FAM168A: variants seen among roughly 807,000 people sequenced by gnomAD.
FAM168A encodes protein FAM168A.
FAM168A carries 3 observed loss-of-function variants against 28.5 expected under a neutral mutation model. The observed-to-expected ratio is 0.11, with a 90% CI of 0.05 to 0.27. FAM168A has a LOEUF of 0.27. Ranked by LOEUF, FAM168A falls within the 10% of genes least tolerant of loss-of-function variation. The pLI is 1.00. For synonymous variants in FAM168A, 122 were observed against 124.2 expected, an observed-to-expected ratio of 0.98 and a Z score of 0.12; for missense variants, 222 against 311.5, an observed-to-expected ratio of 0.71 and a Z score of 2.16.
rs1032391951 is a variant in FAM168A, at chr11:73,430,676, C to T, written c.151+14G>A. ...CCCACTCCATTCGCCACTGCTGTCC[C>T]ATTTCCTCCTTACCTGGAGCATAAC... On this transcript the variant is annotated intron_variant, in intron 3 of 7. Transcript: ENST00000356467. The T allele has an allele frequency of 6.2e-7, 1 of 1,611,994 alleles. No individual in the cohort carries two copies. Among genetic ancestry groups the T allele is most frequent in the Non-Finnish European group, 8.5e-7 (1 of 1,178,392 alleles).
At chr11:73,561,050 A>G in intron 1 of FAM168A, among the ~76,000 whole-genome samples, 1 of 138,182 alleles carries the variant, frequency 7.2e-6, no homozygotes, top group Non-Finnish European at 1.5e-5. Context: ...TGACAGAGCA[A>G]GACTCTGTCC....
intron 1 of FAM168A, among the ~76,000 whole-genome samples, chr11:73,514,345 A>C (rs1249516361): frequency 6.6e-6 from 1 of 152,230 alleles, no homozygotes; most frequent in Non-Finnish European, 1.5e-5. Context: ...GCTTTTGAGA[A>C]AAAAAACTGA....
At chr11:73,482,636 C>G (rs565843169) in intron 1 of FAM168A, among the ~76,000 whole-genome samples, 5 of 151,664 alleles carry the variant, frequency 3.3e-5, no homozygotes, top group Non-Finnish European at 7.4e-5. Flanking sequence ...CTCAACAGCA[C>G]GTTTATAGCA....
intron 1 of FAM168A, among the ~76,000 whole-genome samples, chr11:73,566,304 C>T (rs910891255): frequency 2.6e-5 from 4 of 152,064 alleles, no homozygotes; most frequent in African/African-American, 9.7e-5. Flanking sequence ...AAAATAAAAC[C>T]CTCTTCAAGG....
intron 1 of FAM168A, among the ~76,000 whole-genome samples, chr11:73,482,661 C>A (rs1867983521): frequency 6.6e-6 from 1 of 151,850 alleles, no homozygotes; most frequent in Non-Finnish European, 1.5e-5. Context: ...AAATAATCAC[C>A]TTCCCTGAGG....
intron 2 of FAM168A, among the ~76,000 whole-genome samples, chr11:73,433,533 T>C (rs1867034728): frequency 6.6e-6 from 1 of 152,192 alleles, no homozygotes; most frequent in South Asian, 2.1e-4. Flanking sequence ...TTGAGATCAC[T>C]GATCCATTTT....
rs1866454616 is a variant in FAM168A at position 73,403,772 on chromosome 11, G to A, written c.*2991C>T. The A allele has an allele frequency of 1.3e-5, 2 of 152,212 alleles. No homozygotes were observed. The allele number at this position is 152,212 out of a possible 1,614,324, so 9.4% of individuals were successfully genotyped here. Reference sequence around the variant, plus strand: ...CTTGTGGATCTCCATCACAGCAAGAGGCTGAGGCCGGCTGAACTGGGGCTC... The same window carrying A: ...CTTGTGGATCTCCATCACAGCAAGAAGCTGAGGCCGGCTGAACTGGGGCTC... On this transcript the variant is annotated 3_prime_UTR_variant, in exon 8 of 8. Transcript: ENST00000356467.
chr11:73,572,021 G>A (rs1375102087), intron 1 of FAM168A, among the ~76,000 whole-genome samples: 5 of 148,314 alleles, frequency 3.4e-5, no homozygotes, highest in South Asian at 2.2e-4. Context: ...CCTGGCAGCC[G>A]CCCCATCTGA....
At position 73,544,895 on chromosome 11, in the gene FAM168A, AATATATTATATAAT is replaced by A. The variant is rs1471848626; in HGVS notation, c.-19+53014_-19+53027del. On this transcript the variant is annotated intron_variant, in intron 1 of 7. Coordinates refer to ENST00000356467, the MANE Select transcript of FAM168A (RefSeq NM_015159.3). ...TATATATATTATATATAAAATATAA[AATATATTATATAAT>A]ATATATTATATATAATATAAAATAT... Among the ~76,000 whole-genome samples the A allele has an allele frequency of 1.7e-3, 154 of 92,812 alleles. 1 individual carries two copies. In the East Asian group the frequency reaches 0.035, roughly 21 times the overall value. 60.9% of individuals were successfully genotyped at this position (92,812 alleles called of 152,430 possible).
At chr11:73,524,268 G>A (rs911637061) in intron 1 of FAM168A, among the ~76,000 whole-genome samples, 2 of 151,544 alleles carry the variant, frequency 1.3e-5, no homozygotes, top group African/African-American at 2.4e-5. Flanking sequence ...TCAGTGTATT[G>A]AGAATTGATA....
At chr11:73,453,305 C>T (rs1382424475) in intron 2 of FAM168A, among the ~76,000 whole-genome samples, 2 of 152,160 alleles carry the variant, frequency 1.3e-5, no homozygotes, top group African/African-American at 4.8e-5. Flanking sequence ...ACCCAGACAC[C>T]ATTTTTTTCC....
At chr11:73,520,874 G>A (rs1290138898) in intron 1 of FAM168A, among the ~76,000 whole-genome samples, 4 of 151,026 alleles carry the variant, frequency 2.6e-5, no homozygotes, top group African/African-American at 4.9e-5. Flanking sequence ...TCAAACATCT[G>A]TTCAATCCCC....
chr11:73,409,782 T>C (rs1172931332), intron 5 of FAM168A, 121 bp from the exon 6 acceptor site: 1 of 1,009,802 alleles, frequency 9.9e-7, no homozygotes, highest in Admixed American at 2.6e-5. Context: ...TGTCTTACTA[T>C]GTGACTGTGG....
intron 2 of FAM168A, among the ~76,000 whole-genome samples, chr11:73,462,390 TA>T (rs1379039032): frequency 6.6e-6 from 1 of 152,112 alleles, no homozygotes; most frequent in Non-Finnish European, 1.5e-5. Flanking sequence ...GCATCTAGAC[TA>T]GTCAAATTCA....
intron 1 of FAM168A, among the ~76,000 whole-genome samples, chr11:73,501,823 C>T (rs539011782): frequency 2.6e-5 from 4 of 151,964 alleles, no homozygotes; most frequent in Non-Finnish European, 4.4e-5. Flanking sequence ...AGCAGAAGGC[C>T]GGGCGCGGTG....
intron 1 of FAM168A, among the ~76,000 whole-genome samples, chr11:73,517,724 A>G (rs1943323886): frequency 6.6e-6 from 1 of 152,208 alleles, no homozygotes; most frequent in Admixed American, 6.5e-5. Context: ...TGGCTCAGGA[A>G]TACCAATTAC....
intron 1 of FAM168A, among the ~76,000 whole-genome samples, chr11:73,597,716 G>T (rs1156884911): frequency 3.0e-5 from 3 of 100,098 alleles, no homozygotes; most frequent in African/African-American, 1.2e-4. Flanking sequence ...CTTGTCGCCC[G>T]CCCCCCAACC....
intron 1 of FAM168A, among the ~76,000 whole-genome samples, chr11:73,476,961 C>G (rs1867896862): frequency 6.6e-6 from 1 of 151,808 alleles, no homozygotes; most frequent in Admixed American, 6.6e-5. Context: ...AAAATACAAG[C>G]ATGAGAGTCC....
At chr11:73,515,123 T>C (rs1943284290) in intron 1 of FAM168A, among the ~76,000 whole-genome samples, 1 of 152,196 alleles carries the variant, frequency 6.6e-6, no homozygotes, top group African/African-American at 2.4e-5. Context: ...TAGCTCCCTC[T>C]GGCCCATTTA....
Sources: gnomAD v4.1 joint callset for allele counts (sites outside exome capture counted in the v4.1 genomes callset) on GRCh38, gnomAD v4.1.1 for gene constraint, MANE v1.5 for transcripts, NCBI Gene and HGNC (gene_info 2026-07-23, HGNC 2026-07-21) for gene names.